The following CDK14 variants were observed in gnomAD, a reference collection of about 807,000 sequenced individuals.
CDK14 encodes the protein cyclin-dependent kinase 14.
A neutral mutation model predicts 60.7 loss-of-function variants in CDK14; 34 were observed. The ratio of observed to expected loss-of-function variants is 0.56; its 90% CI spans 0.43 to 0.75. The LOEUF is 0.75. Among genes scored for constraint, CDK14 ranks in the 30% least tolerant of loss-of-function variants. CDK14 has a pLI of 0.00. For missense variants in CDK14, 482 were observed against 564.1 expected (o/e 0.85, Z 1.47); for synonymous variants, 197 against 203.7 (o/e 0.97, Z 0.28).
At chr7:90,641,753 A>G (rs372615549) in intron 2 of CDK14, among the ~76,000 whole-genome samples, 4 of 107,688 alleles carry the variant, frequency 3.7e-5, no homozygotes, top group South Asian at 5.7e-4. Flanking sequence ...CAACTCTGTA[A>G]ATATACTAAA....
At chr7:90,812,000 C>T (rs900975826) in intron 5 of CDK14, among the ~76,000 whole-genome samples, 1 of 152,180 alleles carries the variant, frequency 6.6e-6, no homozygotes, top group African/African-American at 2.4e-5. Flanking sequence ...GAAATAGGAA[C>T]ACTTTTACAC....
At chr7:90,876,961 G>T (rs1245791334) in intron 6 of CDK14, among the ~76,000 whole-genome samples, 3 of 152,100 alleles carry the variant, frequency 2.0e-5, no homozygotes. Context: ...AACATTTTAG[G>T]CACAAGAGCA....
chr7:90,872,678 A>G (rs890064511), intron 6 of CDK14, among the ~76,000 whole-genome samples: 1 of 135,790 alleles, frequency 7.4e-6, no homozygotes, highest in African/African-American at 2.7e-5. Context: ...TTTACATCAT[A>G]TCTATCATCT....
At chr7:91,036,838 G>A (rs978468388) in intron 10 of CDK14, among the ~76,000 whole-genome samples, 12 of 152,080 alleles carry the variant, frequency 7.9e-5, no homozygotes, top group Non-Finnish European at 1.3e-4. Flanking sequence ...GCATGGGGTT[G>A]GTGCCCCAAC....
At chr7:90,894,898 G>A (rs1792246680) in intron 6 of CDK14, among the ~76,000 whole-genome samples, 1 of 152,104 alleles carries the variant, frequency 6.6e-6, no homozygotes, top group South Asian at 2.1e-4. Context: ...TGGTCTTGAT[G>A]TGTTAGTTTT....
chr7:90,977,811 A>G (rs746525188), intron 9 of CDK14, among the ~76,000 whole-genome samples: 1 of 152,004 alleles, frequency 6.6e-6, no homozygotes, highest in Non-Finnish European at 1.5e-5. Context: ...TTCAGCAAAT[A>G]TTTTTGAGCC....
intron 2 of CDK14, among the ~76,000 whole-genome samples, chr7:90,649,820 A>G (rs1800589339): frequency 6.6e-6 from 1 of 152,100 alleles, no homozygotes. Context: ...ATAGTATTCC[A>G]TGGTGTATAT....
chr7:90,653,494 C>T (rs1272438546), intron 2 of CDK14, among the ~76,000 whole-genome samples: 5 of 151,838 alleles, frequency 3.3e-5, no homozygotes, highest in Non-Finnish European at 5.9e-5. Flanking sequence ...AGGAACCACT[C>T]CTTGACCTTT....
At chr7:90,899,005 A>G (rs1792419442) in intron 6 of CDK14, among the ~76,000 whole-genome samples, 1 of 151,966 alleles carries the variant, frequency 6.6e-6, no homozygotes, top group Admixed American at 6.6e-5. Flanking sequence ...GTATAAGGAT[A>G]TATTCAATGG....
intron 14 of CDK14, among the ~76,000 whole-genome samples, chr7:91,179,645 A>G (rs1346576000): frequency 1.3e-5 from 2 of 152,088 alleles, no homozygotes; most frequent in Non-Finnish European, 2.9e-5. Context: ...TACTAAAAAT[A>G]CAAAAAAATT....
In CDK14 at chr7:90,821,973, T is replaced by C. The variant is rs547752078; in HGVS notation, c.544+31321T>C. On this transcript the variant is annotated intron_variant, in intron 5 of 14. Coordinates refer to ENST00000380050, the MANE Select transcript of CDK14 (RefSeq NM_001287135.2). ...GCTTCTGCTATCCTTCCTTCTGGAA[T>C]GTCCCCTCTTCTCTAAGTCTTCTGT... Among the ~76,000 whole-genome samples, 27 of 152,364 alleles carry C rather than the reference T, an allele frequency of 1.8e-4. No individual in the cohort carries two copies. The Middle Eastern group carries it at 0.014, about 77-fold the overall frequency.
At chr7:91,142,351 T>C (rs975258914) in intron 14 of CDK14, among the ~76,000 whole-genome samples, 3 of 152,224 alleles carry the variant, frequency 2.0e-5, no homozygotes, top group African/African-American at 7.2e-5. Context: ...CTGCCACTCC[T>C]TCTTGTCCCC....
chr7:91,084,167 T>A (rs1351793763), intron 12 of CDK14, among the ~76,000 whole-genome samples: 1 of 152,232 alleles, frequency 6.6e-6, no homozygotes, highest in Non-Finnish European at 1.5e-5. Context: ...CTCCAGTGAA[T>A]CTTATGAAGG....
intron 10 of CDK14, among the ~76,000 whole-genome samples, chr7:91,001,794 A>G (rs183810684): frequency 6.6e-5 from 10 of 152,332 alleles, no homozygotes; most frequent in Non-Finnish European, 1.5e-4. Flanking sequence ...TAACCGACAC[A>G]TAAACCTTTC....
chr7:90,819,369 C>T (rs180935340), intron 5 of CDK14, among the ~76,000 whole-genome samples: 14 of 152,204 alleles, frequency 9.2e-5, no homozygotes, highest in African/African-American at 3.4e-4. Flanking sequence ...GGTTACAGTT[C>T]CTTTCTGTTT....
At chr7:90,863,318 AT>A in intron 6 of CDK14, 49 bp downstream of exon 6, 3 of 1,125,716 alleles carry the variant, frequency 2.7e-6, no homozygotes, top group Non-Finnish European at 4.0e-6. Context: ...TATGAATGAA[AT>A]TCTTATAGTG....
chr7:90,667,857 C>T (rs887423322), intron 2 of CDK14, among the ~76,000 whole-genome samples: 2 of 152,198 alleles, frequency 1.3e-5, no homozygotes, highest in African/African-American at 4.8e-5. Context: ...GCGTGAGCCA[C>T]CGTGCCCAGC....
At chr7:90,984,382 A>G (rs1773742550) in intron 10 of CDK14, 141 bp downstream of exon 10, 1 of 623,954 alleles carries the variant, frequency 1.6e-6, no homozygotes, top group South Asian at 1.9e-5. Flanking sequence ...TGGACCTTTG[A>G]AAAAGCAGGA....
intron 14 of CDK14, among the ~76,000 whole-genome samples, chr7:91,174,223 C>G (rs1801643012): frequency 6.6e-6 from 1 of 151,992 alleles, no homozygotes; most frequent in African/African-American, 2.4e-5. Context: ...GCAGGGTATT[C>G]CAACAGACCT....
Sources: gnomAD v4.1 joint callset for allele counts (sites outside exome capture counted in the v4.1 genomes callset) on GRCh38, gnomAD v4.1.1 for gene constraint, MANE v1.5 for transcripts, NCBI Gene and HGNC (gene_info 2026-07-23, HGNC 2026-07-21) for gene names.